The following DLGAP1 variants were observed in gnomAD, a reference collection of about 807,000 sequenced individuals.
DLGAP1 encodes the protein disks large-associated protein 1.
In DLGAP1, 11 loss-of-function variants were observed where a neutral mutation model predicts 90.8. The observed-to-expected ratio is 0.12, with a 90% CI of 0.08 to 0.20. The LOEUF is 0.20. Among genes scored for constraint, DLGAP1 ranks in the 10% least tolerant of loss-of-function variants. The pLI is 1.00. For synonymous variants in DLGAP1, 558 were observed against 540.7 expected (o/e 1.03, Z -0.44); for missense variants, 1,050 against 1,333.8 (o/e 0.79, Z 3.31).
chr18:3,926,421 T>G (rs9303933), intron 3 of DLGAP1, among the ~76,000 whole-genome samples: 2 of 129,620 alleles, frequency 1.5e-5, no homozygotes, highest in Non-Finnish European at 1.7e-5. Context: ...TATATATATA[T>G]ACACACACAC....
chr18:3,634,756 TCTGAATGA>T (rs1364541226), intron 7 of DLGAP1, among the ~76,000 whole-genome samples: 2 of 152,256 alleles, frequency 1.3e-5, no homozygotes, highest in Non-Finnish European at 2.9e-5. Flanking sequence ...CGATTTGGTC[TCTGAATGA>T]CTGAAGGACT....
At chr18:3,572,244 T>C (rs900027975) in intron 8 of DLGAP1, among the ~76,000 whole-genome samples, 1 of 152,094 alleles carries the variant, frequency 6.6e-6, no homozygotes, top group Non-Finnish European at 1.5e-5. Flanking sequence ...GTATATTATC[T>C]ACGAATAAAA....
chr18:3,804,373 G>T (rs1233497495), intron 5 of DLGAP1, among the ~76,000 whole-genome samples: 2 of 152,212 alleles, frequency 1.3e-5, no homozygotes, highest in South Asian at 4.1e-4. Context: ...TAATGCTGGT[G>T]CTCCCTGCCC....
At chr18:3,807,153 G>A (rs1351656095) in intron 5 of DLGAP1, among the ~76,000 whole-genome samples, 1 of 152,118 alleles carries the variant, frequency 6.6e-6, no homozygotes, top group African/African-American at 2.4e-5. Flanking sequence ...TTACACTTGC[G>A]ACTCAGAACT....
chr18:4,382,026 A>C (rs1379931491), intron 1 of DLGAP1, among the ~76,000 whole-genome samples: 1 of 152,162 alleles, frequency 6.6e-6, no homozygotes, highest in Admixed American at 6.6e-5. Flanking sequence ...CCACCAAAAG[A>C]ATAGCACGGG....
chr18:4,089,800 CT>C (rs2075741454), intron 2 of DLGAP1, among the ~76,000 whole-genome samples: 2 of 152,196 alleles, frequency 1.3e-5, no homozygotes, highest in African/African-American at 4.8e-5. Flanking sequence ...AGTCCCAGCA[CT>C]TTGGGAGGCC....
At chr18:3,633,617 C>T (rs1386347900) in intron 7 of DLGAP1, among the ~76,000 whole-genome samples, 1 of 152,090 alleles carries the variant, frequency 6.6e-6, no homozygotes, top group Non-Finnish European at 1.5e-5. Context: ...TGTATTCAGT[C>T]CTGTTTTCTA....
At chr18:4,233,874 C>G (rs1165118563) in intron 1 of DLGAP1, among the ~76,000 whole-genome samples, 1 of 152,090 alleles carries the variant, frequency 6.6e-6, no homozygotes, top group East Asian at 1.9e-4. Flanking sequence ...TTCTTTATTC[C>G]TATACTTATT....
chr18:3,668,945 C>A (rs145088333), intron 7 of DLGAP1, among the ~76,000 whole-genome samples: 2,257 of 152,158 alleles, frequency 0.015, 21 homozygotes, highest in Middle Eastern at 0.024. Context: ...GATCGCGCCA[C>A]TGCACTCCGG....
chr18:4,410,919 G>C (rs909065157), intron 1 of DLGAP1, among the ~76,000 whole-genome samples: 6 of 152,102 alleles, frequency 3.9e-5, no homozygotes, highest in Non-Finnish European at 7.4e-5. Context: ...CAGGAGTTTT[G>C]CCTGCTGAAG....
intron 3 of DLGAP1, among the ~76,000 whole-genome samples, chr18:3,907,567 T>C (rs1270082928): frequency 2.0e-5 from 3 of 152,000 alleles, no homozygotes; most frequent in African/African-American, 7.2e-5. Context: ...GGAGGATGAG[T>C]GACCTCAGAG....
At chr18:4,306,021 GACACACACAAAT>G (rs2080245963) in intron 1 of DLGAP1, among the ~76,000 whole-genome samples, 1 of 78,058 alleles carries the variant, frequency 1.3e-5, no homozygotes, top group South Asian at 5.3e-4. Flanking sequence ...CACACACACA[GACACACACAAAT>G]ACACACACAC....
At chr18:4,232,813 C>G (rs1195346569) in intron 1 of DLGAP1, among the ~76,000 whole-genome samples, 1 of 152,120 alleles carries the variant, frequency 6.6e-6, no homozygotes, top group African/African-American at 2.4e-5. Context: ...CTGGAGCAAG[C>G]AACTCAAGAG....
At chr18:3,559,615 TC>T (rs2053955701) in intron 9 of DLGAP1, among the ~76,000 whole-genome samples, 1 of 150,590 alleles carries the variant, frequency 6.6e-6, no homozygotes, top group African/African-American at 2.4e-5. Flanking sequence ...TTACCACGAA[TC>T]CAATCCACTT....
At chr18:4,184,078 A>C (rs1464130927) in intron 1 of DLGAP1, among the ~76,000 whole-genome samples, 1 of 152,188 alleles carries the variant, frequency 6.6e-6, no homozygotes, top group Non-Finnish European at 1.5e-5. Flanking sequence ...AGCGTTAAAT[A>C]TTTGAAAAAA....
chr18:3,525,691 G>A (rs999107497), intron 10 of DLGAP1, among the ~76,000 whole-genome samples: 1 of 152,094 alleles, frequency 6.6e-6, no homozygotes, highest in Non-Finnish European at 1.5e-5. Flanking sequence ...GAGCCACTGC[G>A]CCCCACCAGT....
At chr18:3,580,427 T>C in intron 8 of DLGAP1, 2 of 1,613,498 alleles carry the variant, frequency 1.2e-6, no homozygotes, top group Non-Finnish European at 1.7e-6. Context: ...ATGTCTCCTC[T>C]GTGGTTTGTG....
At chr18:4,014,249 C>A (rs1278047416) in intron 2 of DLGAP1, among the ~76,000 whole-genome samples, 1 of 152,032 alleles carries the variant, frequency 6.6e-6, no homozygotes, top group Non-Finnish European at 1.5e-5. Flanking sequence ...CCACACCCAG[C>A]TAATTTCTGT....
chr18:3,867,093 C>T (rs1204745136), intron 4 of DLGAP1, among the ~76,000 whole-genome samples: 1 of 152,166 alleles, frequency 6.6e-6, no homozygotes, highest in Admixed American at 6.5e-5. Flanking sequence ...ACCTCGTGAT[C>T]CGCCCGCCTT....
Sources: allele counts gnomAD v4.1 joint callset (sites outside exome capture counted in the v4.1 genomes callset), GRCh38; gene constraint gnomAD v4.1.1; transcripts MANE v1.5; gene names NCBI Gene and HGNC (gene_info 2026-07-23, HGNC 2026-07-21).